PLXDC2: variants seen among roughly 807,000 people sequenced by gnomAD.
The protein encoded by PLXDC2 is plexin domain containing 2.
In PLXDC2, 40 loss-of-function variants were observed where a neutral mutation model predicts 68.9. That is an observed-to-expected ratio of 0.58 (90% CI 0.45 to 0.76). The LOEUF (loss-of-function observed/expected upper bound fraction) is 0.76. Ranked by LOEUF, PLXDC2 falls within the 30% of genes least tolerant of loss-of-function variation. The probability of loss-of-function intolerance (pLI) is 0.00; values close to 1 mark genes in which losing one functional copy is unlikely to be tolerated. For synonymous variants in PLXDC2, 243 were observed against 234.2 expected (o/e 1.04, Z -0.34); for missense variants, 644 against 661.9 (o/e 0.97, Z 0.30).
chr10:20,118,115 C>T (rs1243195626), intron 4 of PLXDC2, among the ~76,000 whole-genome samples: 1 of 126,010 alleles, frequency 7.9e-6, no homozygotes, highest in Non-Finnish European at 1.8e-5. Flanking sequence ...TACACACACA[C>T]ACACACACAC....
intron 13 of PLXDC2, among the ~76,000 whole-genome samples, chr10:20,278,942 A>G (rs1471065920): frequency 6.6e-6 from 1 of 152,122 alleles, no homozygotes; most frequent in Non-Finnish European, 1.5e-5. Flanking sequence ...CAGTACATCT[A>G]TTTGTAAATC....
At chr10:20,228,937 G>T (rs779835242) in intron 12 of PLXDC2, among the ~76,000 whole-genome samples, 9 of 152,146 alleles carry the variant, frequency 5.9e-5, no homozygotes, top group Non-Finnish European at 1.0e-4. Context: ...TGACTGGATT[G>T]CATAACAGTC....
chr10:20,174,245 G>A (rs1048639208), intron 7 of PLXDC2, among the ~76,000 whole-genome samples: 18 of 151,892 alleles, frequency 1.2e-4, no homozygotes, highest in South Asian at 2.1e-4. Context: ...AAAGCAATAC[G>A]TAGGAATGAA....
chr10:20,171,487 A>G (rs541634902), intron 7 of PLXDC2, among the ~76,000 whole-genome samples: 1 of 152,178 alleles, frequency 6.6e-6, no homozygotes, highest in South Asian at 2.1e-4. Flanking sequence ...GTTTTCTCAT[A>G]AAGTAACTAC....
chr10:20,086,418 C>G (rs919314643), intron 4 of PLXDC2, among the ~76,000 whole-genome samples: 1 of 151,808 alleles, frequency 6.6e-6, no homozygotes, highest in Admixed American at 6.6e-5. Flanking sequence ...TCTCAAACTC[C>G]TTGCTTCAAG....
chr10:19,985,720 G>A (rs1269052296), intron 1 of PLXDC2, among the ~76,000 whole-genome samples: 3 of 152,180 alleles, frequency 2.0e-5, no homozygotes, highest in East Asian at 3.9e-4. Flanking sequence ...TGAGCCTGAC[G>A]TGGTGAAAAC....
intron 4 of PLXDC2, among the ~76,000 whole-genome samples, chr10:20,068,562 A>G (rs115771269): frequency 0.015 from 2,204 of 149,756 alleles, 58 homozygotes; most frequent in African/African-American, 0.051. Context: ...GCTTAATGAA[A>G]CTGCTGGTGA....
At chr10:20,130,781 A>C (rs1274770798) in intron 4 of PLXDC2, among the ~76,000 whole-genome samples, 1 of 92,222 alleles carries the variant, frequency 1.1e-5, no homozygotes, top group African/African-American at 2.7e-5. Flanking sequence ...CTATTAATGT[A>C]GTATATCACA....
intron 10 of PLXDC2, among the ~76,000 whole-genome samples, chr10:20,212,626 CTA>C (rs1421900164): frequency 6.6e-6 from 1 of 152,092 alleles, no homozygotes; most frequent in Non-Finnish European, 1.5e-5. Flanking sequence ...GTTTTAAAAA[CTA>C]TTTGTTCAAT....
chr10:19,900,510 G>A (rs2131366976), intron 1 of PLXDC2, among the ~76,000 whole-genome samples: 1 of 152,238 alleles, frequency 6.6e-6, no homozygotes, highest in African/African-American at 2.4e-5. Context: ...ATTTCTTCAG[G>A]ATGAAGTGTA....
chr10:20,216,734 T>C lies in PLXDC2; in HGVS notation c.1123-692T>C, dbSNP rs77428403. Among the ~76,000 whole-genome samples the C allele has an allele frequency of 3.7e-3, 564 of 152,248 alleles. 8 individuals carry two copies. The East Asian group carries it at 0.038, about 10-fold the overall frequency. Reference sequence around the variant, plus strand: ...GCTATAAAAGTTTGGATGTTGGAGGTTGTTACCAGTGAAGGTTGTAGGATT... The same window carrying C: ...GCTATAAAAGTTTGGATGTTGGAGGCTGTTACCAGTGAAGGTTGTAGGATT... On this transcript the variant is annotated intron_variant, in intron 10 of 13. Transcript: ENST00000377252.
At chr10:19,954,276 T>G (rs1306615190) in intron 1 of PLXDC2, among the ~76,000 whole-genome samples, 2 of 152,026 alleles carry the variant, frequency 1.3e-5, no homozygotes, top group Non-Finnish European at 2.9e-5. Flanking sequence ...CAAAATTTGG[T>G]GTATATTAAT....
At chr10:20,238,705 ATG>A (rs370886585) in intron 12 of PLXDC2, among the ~76,000 whole-genome samples, 46 of 139,612 alleles carry the variant, frequency 3.3e-4, no homozygotes, top group African/African-American at 7.8e-4. Flanking sequence ...ACACATATAT[ATG>A]TGTATATATA....
intron 4 of PLXDC2, among the ~76,000 whole-genome samples, chr10:20,122,064 G>A (rs866628115): frequency 6.6e-6 from 1 of 151,776 alleles, no homozygotes; most frequent in Admixed American, 6.6e-5. Context: ...TGGGAAGAAG[G>A]GCAGCCATGA....
intron 9 of PLXDC2, among the ~76,000 whole-genome samples, chr10:20,209,641 T>C (rs927832438): frequency 6.6e-6 from 1 of 152,144 alleles, no homozygotes; most frequent in Non-Finnish European, 1.5e-5. Context: ...GAGTTTAAGG[T>C]TATCTCTCTT....
chr10:20,162,909 C>CAAA lies in PLXDC2; in HGVS notation c.784-1540_784-1538dup, dbSNP rs71390763. On this transcript the variant is annotated intron_variant, in intron 6 of 13. Transcript: ENST00000377252. ...TGAAACCCCATCTCTACTAAAAATACAAAAAAAAAAAAAAAAAAAAATCCA... is the reference window on the plus strand; with the variant it reads ...TGAAACCCCATCTCTACTAAAAATACAAAAAAAAAAAAAAAAAAAAAAAATCCA... 7.6e-3 allele frequency among the ~76,000 whole-genome samples: 749 copies of CAAA among 98,004 alleles called. 13 individuals are homozygous for CAAA. Among genetic ancestry groups the CAAA allele is most frequent in the African/African-American group, 0.027 (659 of 24,608 alleles). 64.3% of individuals were successfully genotyped at this position (98,004 alleles called of 152,430 possible).
At chr10:19,916,076 G>C (rs535749303) in intron 1 of PLXDC2, among the ~76,000 whole-genome samples, 2 of 151,204 alleles carry the variant, frequency 1.3e-5, no homozygotes, top group South Asian at 4.2e-4. Context: ...AATGTGAGCC[G>C]CATCAACGTA....
At position 20,194,098 on chromosome 10, in the gene PLXDC2, G is replaced by C. The variant is rs146058043; in HGVS notation, c.1061+16689G>C. Reference sequence around the variant, plus strand: ...AACAAGAATTTTAAAAGAAAACAAAGCTTTCTTTATATTAAAGGCACTACT... The same window carrying C: ...AACAAGAATTTTAAAAGAAAACAAACCTTTCTTTATATTAAAGGCACTACT... On this transcript the variant is annotated intron_variant, in intron 9 of 13. Transcript: ENST00000377252. Among the ~76,000 whole-genome samples, 41 of 151,352 alleles carry C rather than the reference G, an allele frequency of 2.7e-4. No homozygotes were observed. The East Asian group carries it at 8.0e-3, about 30-fold the overall frequency.
chr10:20,082,513 T>G (rs937498594), intron 4 of PLXDC2, among the ~76,000 whole-genome samples: 7 of 152,194 alleles, frequency 4.6e-5, no homozygotes, highest in Non-Finnish European at 8.8e-5. Context: ...AAATGCAAGT[T>G]AAAACTATAG....
Sources: allele counts gnomAD v4.1 joint callset (sites outside exome capture counted in the v4.1 genomes callset), GRCh38; gene constraint gnomAD v4.1.1; transcripts MANE v1.5; gene names NCBI Gene and HGNC (gene_info 2026-07-23, HGNC 2026-07-21).